DPP6: variants seen among roughly 807,000 people sequenced by gnomAD.
DPP6 encodes the protein A-type potassium channel modulatory protein DPP6.
A neutral mutation model predicts 122.6 loss-of-function variants in DPP6; 69 were observed. That is an observed-to-expected ratio of 0.56 (90% CI 0.46 to 0.69). The LOEUF is 0.69. Among genes scored for constraint, DPP6 ranks in the 30% least tolerant of loss-of-function variants. The pLI is 0.00. For synonymous variants in DPP6, 418 were observed against 433.1 expected (o/e 0.97, Z 0.43); for missense variants, 928 against 1,116.9 (o/e 0.83, Z 2.41).
intron 8 of DPP6, among the ~76,000 whole-genome samples, chr7:154,767,595 A>G (rs181476783): frequency 6.6e-6 from 1 of 151,988 alleles, no homozygotes; most frequent in Non-Finnish European, 1.5e-5. Flanking sequence ...CTGAGCTTCT[A>G]TTGGCACTGC....
intron 1 of DPP6, among the ~76,000 whole-genome samples, chr7:154,423,243 A>G (rs543011995): frequency 1.4e-4 from 22 of 152,292 alleles, no homozygotes; most frequent in African/African-American, 5.1e-4. Flanking sequence ...AGAAGGAAGG[A>G]GTGGAGAGAG....
intron 7 of DPP6, among the ~76,000 whole-genome samples, chr7:154,684,420 C>T (rs374863188): frequency 6.6e-6 from 1 of 152,224 alleles, no homozygotes. Context: ...GCATTAAATA[C>T]GTGTTCAAAG....
intron 1 of DPP6, among the ~76,000 whole-genome samples, chr7:153,937,437 CTTTTTTTT>C (rs201001951): frequency 5.2e-5 from 6 of 115,474 alleles, no homozygotes; most frequent in South Asian, 5.6e-4. Flanking sequence ...TCAGAGCTAA[CTTTTTTTT>C]TTTTTTTTTT....
chr7:153,760,366 C>T, the DPP6 span, among the ~76,000 whole-genome samples: 1 of 152,142 alleles, frequency 6.6e-6, no homozygotes, highest in African/African-American at 2.4e-5. Flanking sequence ...GTTGCAGCAG[C>T]TCTGGGTCAA....
intron 1 of DPP6, among the ~76,000 whole-genome samples, chr7:154,312,854 G>A (rs1807029437): frequency 6.6e-6 from 1 of 152,170 alleles, no homozygotes; most frequent in Admixed American, 6.5e-5. Context: ...AATATTCAAA[G>A]CATATTCCAT....
intron 8 of DPP6, among the ~76,000 whole-genome samples, chr7:154,761,129 C>T (rs1795523460): frequency 1.3e-5 from 2 of 152,206 alleles, no homozygotes; most frequent in Non-Finnish European, 2.9e-5. Flanking sequence ...GCCACCGCAC[C>T]CAGCTCAAAA....
chr7:154,663,702 G>A lies in DPP6; in HGVS notation c.681-5658G>A, dbSNP rs371928476. Among the ~76,000 whole-genome samples, 3 of 31,192 alleles carry A rather than the reference G, an allele frequency of 9.6e-5. 1 individual carries two copies. The highest frequency in any genetic ancestry group is 5.8e-3 in the South Asian group (2 of 346). 20.5% of individuals were successfully genotyped at this position (31,192 alleles called of 152,430 possible). A position where few individuals can be genotyped will look rare whatever the true frequency, so the allele number is the denominator to read the frequency against. Reference sequence around the variant, plus strand: ...GGTGAATCACCATGGCATATCGGCCGTAGTGTTCATATAGTCATGGTGAAT... The same window carrying A: ...GGTGAATCACCATGGCATATCGGCCATAGTGTTCATATAGTCATGGTGAAT... On this transcript the variant is annotated intron_variant, in intron 6 of 25. Coordinates refer to ENST00000377770, the MANE Select transcript of DPP6 (RefSeq NM_130797.4).
chr7:154,704,337 G>A (rs946688544), intron 7 of DPP6, among the ~76,000 whole-genome samples: 7 of 152,202 alleles, frequency 4.6e-5, no homozygotes, highest in African/African-American at 1.7e-4. Context: ...TATACTCCTG[G>A]TGAAGATGCT....
intron 3 of DPP6, among the ~76,000 whole-genome samples, chr7:154,487,725 C>T (rs1823920469): frequency 1.3e-5 from 2 of 152,208 alleles, no homozygotes; most frequent in African/African-American, 2.4e-5. Flanking sequence ...ACTGACACCA[C>T]CATTTATTGT....
chr7:154,061,777 G>GA (rs1204236040), intron 1 of DPP6, among the ~76,000 whole-genome samples: 1 of 136,400 alleles, frequency 7.3e-6, no homozygotes, highest in African/African-American at 2.8e-5. Context: ...CCCATCGCAG[G>GA]GAGGGAGGCA....
At chr7:154,742,727 C>G (rs1842869554) in intron 8 of DPP6, among the ~76,000 whole-genome samples, 3 of 152,228 alleles carry the variant, frequency 2.0e-5, no homozygotes, top group African/African-American at 7.2e-5. Context: ...CCGCTGGCAT[C>G]TCTGATGAAT....
the DPP6 span, among the ~76,000 whole-genome samples, chr7:153,785,057 AG>A: frequency 6.6e-6 from 1 of 152,196 alleles, no homozygotes; most frequent in Admixed American, 6.5e-5. Flanking sequence ...AGTAGATTAT[AG>A]GGTTTTCTTG....
chr7:154,136,088 A>C (rs1193423062), intron 1 of DPP6, among the ~76,000 whole-genome samples: 5 of 152,178 alleles, frequency 3.3e-5, no homozygotes, highest in Non-Finnish European at 7.3e-5. Flanking sequence ...TTGCTTTCTG[A>C]GACCTACCTC....
At chr7:154,304,558 C>T (rs1233755693) in intron 1 of DPP6, among the ~76,000 whole-genome samples, 1 of 151,228 alleles carries the variant, frequency 6.6e-6, no homozygotes, top group Non-Finnish European at 1.5e-5. Flanking sequence ...ATCACACAGG[C>T]TGGAATGTTT....
upstream of DPP6, among the ~76,000 whole-genome samples, chr7:153,886,830 G>A (rs1378745947): frequency 6.6e-6 from 1 of 152,140 alleles, no homozygotes. Context: ...GGGCACAGCC[G>A]CGTCTGGCTC....
the DPP6 span, among the ~76,000 whole-genome samples, chr7:153,783,076 A>G: frequency 6.6e-6 from 1 of 152,228 alleles, no homozygotes; most frequent in Admixed American, 6.5e-5. Context: ...AACAAGGAGA[A>G]GCAGGGAAAC....
chr7:154,400,748 A>G (rs1468581105), intron 1 of DPP6, among the ~76,000 whole-genome samples: 3 of 152,184 alleles, frequency 2.0e-5, no homozygotes, highest in African/African-American at 7.2e-5. Context: ...TTTTCCATAT[A>G]TTTTGTAAAA....
chr7:154,361,144 G>A (rs548812411), intron 1 of DPP6, among the ~76,000 whole-genome samples: 1 of 152,262 alleles, frequency 6.6e-6, no homozygotes, highest in Admixed American at 6.5e-5. Context: ...TGTATAATAA[G>A]ATGCTGGATT....
At chr7:153,765,528 G>A in the DPP6 span, among the ~76,000 whole-genome samples, 3 of 145,864 alleles carry the variant, frequency 2.1e-5, no homozygotes, top group African/African-American at 5.1e-5. Flanking sequence ...GGCAAGAAGA[G>A]CAAAACTTCA....
Sources: allele counts gnomAD v4.1 joint callset (sites outside exome capture counted in the v4.1 genomes callset), GRCh38; gene constraint gnomAD v4.1.1; transcripts MANE v1.5; gene names NCBI Gene and HGNC (gene_info 2026-07-23, HGNC 2026-07-21).